APBA1: variants seen among roughly 807,000 people sequenced by gnomAD.
APBA1 encodes amyloid-beta A4 precursor protein-binding family A member 1.
Under a neutral mutation model 86.6 loss-of-function variants are expected in APBA1, and 55 were observed. That is an observed-to-expected ratio of 0.64 (90% confidence interval 0.51 to 0.80). APBA1 has a LOEUF of 0.80. Ranked by LOEUF, APBA1 falls within the 30% of genes least tolerant of loss-of-function variation. The pLI is 0.00. For missense variants in APBA1, 1,090 were observed against 1,183.0 expected (o/e 0.92, Z 1.15); for synonymous variants, 511 against 493.9 (o/e 1.03, Z -0.46).
At chr9:69,642,507 A>C (rs1480694926) in intron 1 of APBA1, among the ~76,000 whole-genome samples, 2 of 152,180 alleles carry the variant, frequency 1.3e-5, no homozygotes, top group African/African-American at 4.8e-5. Context: ...GCTGGTGGGA[A>C]ATCAAAATGG....
rs150929571 is a variant in APBA1 at position 69,516,418 on chromosome 9, C to A, written c.793G>T (p.Glu265Ter). 6.2e-7 allele frequency: 1 copy of A among 1,605,008 alleles called. No homozygotes were observed. ...FAPYPRMDSY[E>*]QEEDIDQIVA... ...ATCTGGTCGATGTCCTCCTCCTGCT[C>A]GTAGCTGTCCATGCGCGGGTAGGGC... The change falls in exon 2 of 13, where the codon GAG becomes TAG. Residue 265 changes from glutamate to a stop codon, truncating the protein, a stop_gained. Transcript: ENST00000265381. LOFTEE classifies it high-confidence loss of function. This position sits in a 1 kb window ranked among gnomAD's most constrained non-coding sequence, Gnocchi z 7.3.
chr9:69,523,381 C>T (rs1376775259), intron 1 of APBA1, among the ~76,000 whole-genome samples: 2 of 149,636 alleles, frequency 1.3e-5, no homozygotes, highest in African/African-American at 2.5e-5. Flanking sequence ...AGTTTGTGTA[C>T]GTCAGTGATA....
intron 1 of APBA1, among the ~76,000 whole-genome samples, chr9:69,627,527 G>A (rs1311854012): frequency 6.6e-6 from 1 of 152,136 alleles, no homozygotes; most frequent in Non-Finnish European, 1.5e-5. Flanking sequence ...CTGATGGTGT[G>A]TGTGTGCCAT....
chr9:69,491,176 T>G (rs543123001), intron 2 of APBA1, among the ~76,000 whole-genome samples: 3 of 152,188 alleles, frequency 2.0e-5, no homozygotes, highest in African/African-American at 7.2e-5. Flanking sequence ...TGTGGCACTA[T>G]TCACAATAGC....
In APBA1 at chr9:69,429,824, T is replaced by C. The variant is rs2133774148; in HGVS notation, c.*1503A>G. 6.6e-6 allele frequency: 1 copy of C among 151,940 alleles called. No homozygotes were observed. The highest frequency in any genetic ancestry group is 1.5e-5 in the Non-Finnish European group (1 of 67,978). The allele number at this position is 151,940 out of a possible 1,614,324, so 9.4% of individuals were successfully genotyped here. On this transcript the variant is annotated 3_prime_UTR_variant, in exon 13 of 13. Transcript: ENST00000265381. ...AACAGGGACTATATTAATTACAAAATATAATAGTTTCTCTTCCCCTGTCTC... is the reference window on the plus strand; with the variant it reads ...AACAGGGACTATATTAATTACAAAACATAATAGTTTCTCTTCCCCTGTCTC...
chr9:69,572,021 G>A (rs999307155), intron 1 of APBA1, among the ~76,000 whole-genome samples: 1 of 152,148 alleles, frequency 6.6e-6, no homozygotes, highest in African/African-American at 2.4e-5. Flanking sequence ...AGTGGATAAC[G>A]AGCTCCTGCA....
rs140835845 is a variant in APBA1 at position 69,482,868 on chromosome 9, G to A, written c.1201-6725C>T. Among the ~76,000 whole-genome samples, 4 of 149,662 alleles carry A rather than the reference G, an allele frequency of 2.7e-5. No homozygotes were observed. In the South Asian group the frequency reaches 6.3e-4, roughly 24 times the overall value. On this transcript the variant is annotated intron_variant, in intron 2 of 12. Transcript: ENST00000265381. ...AAATCATCATTCTCAGTAAACTATCGCAAGAACAAAAAACACCGCATATTC... is the reference window on the plus strand; with the variant it reads ...AAATCATCATTCTCAGTAAACTATCACAAGAACAAAAAACACCGCATATTC...
intron 1 of APBA1, among the ~76,000 whole-genome samples, chr9:69,644,109 G>C (rs964261830): frequency 3.9e-5 from 6 of 152,212 alleles, no homozygotes; most frequent in Non-Finnish European, 7.4e-5. Context: ...TCAGAACATT[G>C]TAAAAACATG....
At chr9:69,570,895 G>A (rs915131435) in intron 1 of APBA1, among the ~76,000 whole-genome samples, 1 of 152,136 alleles carries the variant, frequency 6.6e-6, no homozygotes, top group African/African-American at 2.4e-5. Context: ...ACTATGTTCT[G>A]AAGAAAGAAA....
chr9:69,633,662 A>G (rs1420580779), intron 1 of APBA1, among the ~76,000 whole-genome samples: 2 of 152,148 alleles, frequency 1.3e-5, no homozygotes, highest in Non-Finnish European at 2.9e-5. Context: ...CATTCAATCC[A>G]CTGAGATATT....
At chr9:69,472,861 T>A (rs1457534730) in intron 3 of APBA1, among the ~76,000 whole-genome samples, 1 of 152,188 alleles carries the variant, frequency 6.6e-6, no homozygotes, top group Non-Finnish European at 1.5e-5. Context: ...AAAGGGATGA[T>A]AACTTGGTTA....
intron 2 of APBA1, among the ~76,000 whole-genome samples, chr9:69,510,410 G>C (rs374842668): frequency 8.7e-5 from 12 of 137,258 alleles, no homozygotes; most frequent in Admixed American, 7.4e-5. Flanking sequence ...CACTGCTCAA[G>C]GAAATAAAAG....
In APBA1 at chr9:69,430,867, TG is replaced by T. The variant is rs1834578607; in HGVS notation, c.*459del. On this transcript the variant is annotated 3_prime_UTR_variant, in exon 13 of 13. Transcript: ENST00000265381. ...AGTGCATAACCTTAATGACGTGGGC[TG>T]GCCCTGGGTACTACCACATTCCCAC... is the stretch of plus-strand genomic sequence containing the variant. The T allele has an allele frequency of 6.4e-6, 1 of 156,336 alleles. No homozygotes were observed. Among genetic ancestry groups the T allele is most frequent in the Admixed American group, 6.5e-5 (1 of 15,356 alleles). The allele number at this position is 156,336 out of a possible 1,614,324, so 9.7% of individuals were successfully genotyped here. A position where few individuals can be genotyped will look rare whatever the true frequency, so the allele number is the denominator to read the frequency against.
intron 1 of APBA1, among the ~76,000 whole-genome samples, chr9:69,658,350 C>CTT (rs1179420383): frequency 7.4e-5 from 10 of 135,108 alleles, no homozygotes; most frequent in African/African-American, 2.8e-4. Flanking sequence ...TTCTTTCTTT[C>CTT]TTTCTTTCTG....
rs148536476 is a variant in APBA1 at position 69,596,349 on chromosome 9, C to T, written c.-70+75804G>A. On this transcript the variant is annotated intron_variant, in intron 1 of 12. Coordinates refer to ENST00000265381, the MANE Select transcript of APBA1 (RefSeq NM_001163.4). ...TTTTCTTTTACCCACTGATATGGAA[C>T]TTTTATTCTTTCCAGGCATCTAAAT... Among the ~76,000 whole-genome samples the T allele has an allele frequency of 4.8e-3, 734 of 152,216 alleles. 7 individuals are homozygous for T. The highest frequency in any genetic ancestry group is 0.017 in the African/African-American group (686 of 41,524).
In APBA1 at chr9:69,429,788, C is replaced by T. The variant is rs769850256; in HGVS notation, c.*1539G>A. The T allele has an allele frequency of 2.6e-5, 4 of 151,510 alleles. No individual in the cohort carries two copies. The highest frequency in any genetic ancestry group is 9.7e-5 in the African/African-American group (4 of 41,182). 9.4% of individuals were successfully genotyped at this position (151,510 alleles called of 1,614,324 possible). A position where few individuals can be genotyped will look rare whatever the true frequency, so the allele number is the denominator to read the frequency against. Reference sequence around the variant, plus strand: ...TTCCATAGACACAACATAAATATCTCGGATGCAGAGAACAGGGACTATATT... The same window carrying T: ...TTCCATAGACACAACATAAATATCTTGGATGCAGAGAACAGGGACTATATT... On this transcript the variant is annotated 3_prime_UTR_variant, in exon 13 of 13. Transcript: ENST00000265381.
rs921521037 is a variant in APBA1 at position 69,651,477 on chromosome 9, T to C, written c.-70+20676A>G. 4.6e-5 allele frequency among the ~76,000 whole-genome samples: 7 copies of C among 152,060 alleles called. No individual in the cohort carries two copies. In the South Asian group the frequency reaches 1.5e-3, roughly 32 times the overall value. ...CAGTAATTTAAATAATGACTGACTG[T>C]ATTTTTTTTTTTCTTGAGACTGAGT... On this transcript the variant is annotated intron_variant, in intron 1 of 12. Coordinates refer to ENST00000265381, the MANE Select transcript of APBA1 (RefSeq NM_001163.4).
intron 1 of APBA1, among the ~76,000 whole-genome samples, chr9:69,618,538 C>T (rs543279711): frequency 4.9e-4 from 75 of 152,204 alleles, no homozygotes; most frequent in East Asian, 2.5e-3. Context: ...ACCAATGAAA[C>T]GGAGGTATGA....
chr9:69,583,126 A>C (rs1588377126), intron 1 of APBA1, among the ~76,000 whole-genome samples: 1 of 152,024 alleles, frequency 6.6e-6, no homozygotes, highest in Non-Finnish European at 1.5e-5. Flanking sequence ...CAGGCGATTG[A>C]CCCCTGTGAT....
Sources: allele counts gnomAD v4.1 joint callset (sites outside exome capture counted in the v4.1 genomes callset), GRCh38; gene constraint gnomAD v4.1.1; non-coding constraint Gnocchi (gnomAD v3.1); transcripts MANE v1.5; gene names NCBI Gene and HGNC (gene_info 2026-07-23, HGNC 2026-07-21).